Variants in EAF2 observed in about 807,000 individuals in gnomAD.
EAF2 encodes the protein ELL associated factor 2.
In EAF2, 29 loss-of-function variants were observed where a neutral mutation model predicts 29.4. The ratio of observed to expected loss-of-function variants is 0.99; its 90% CI spans 0.73 to 1.35. The LOEUF is 1.35. Among genes scored for constraint, EAF2 ranks in the 40% most tolerant of loss-of-function variants. The pLI is 0.00. For missense variants in EAF2, 292 were observed against 312.0 expected, an observed-to-expected ratio of 0.94 and a Z score of 0.48; for synonymous variants, 103 against 102.5, an observed-to-expected ratio of 1.00 and a Z score of -0.03.
At position 121,835,748 on chromosome 3, in the gene EAF2, G is replaced by C. The variant is rs115709037; in HGVS notation, c.106+357G>C. ...GACAAATGGGAAGGGACTAAGGACC[G>C]AATGCCGGGGAACTTGAATGCCTTG... On this transcript the variant is annotated intron_variant, in intron 1 of 5. Coordinates refer to ENST00000273668, the MANE Select transcript of EAF2 (RefSeq NM_018456.6). Among the ~76,000 whole-genome samples the C allele has an allele frequency of 1.9e-3, 286 of 152,258 alleles. 1 individual carries two copies. Among genetic ancestry groups the C allele is most frequent in the African/African-American group, 6.1e-3 (253 of 41,538 alleles).
chr3:121,873,910 T>G (rs911152068), intron 5 of EAF2, among the ~76,000 whole-genome samples: 7 of 151,886 alleles, frequency 4.6e-5, no homozygotes, highest in African/African-American at 1.7e-4. Flanking sequence ...TTACAGACCT[T>G]TAGAATATCA....
chr3:121,883,217 A>C (rs1238818331), intron 5 of EAF2, among the ~76,000 whole-genome samples: 2 of 152,166 alleles, frequency 1.3e-5, no homozygotes, highest in Admixed American at 1.3e-4. Flanking sequence ...CTTTTTATTT[A>C]ACCTGTAGAA....
Position 121,856,997 on chromosome 3 carries a change from A to C in EAF2, c.339-14A>C. ...TGTCATACCTGTTTCAATATTTGAT[A>C]TTCTTAATTGCAGAGTTGAAGGAAG... On this transcript the variant is annotated splice_polypyrimidine_tract_variant and intron_variant, in intron 3 of 5. Coordinates refer to ENST00000273668, the MANE Select transcript of EAF2 (RefSeq NM_018456.6). The C allele has an allele frequency of 6.2e-7, 1 of 1,602,310 alleles. No individual in the cohort carries two copies. The highest frequency in any genetic ancestry group is 1.7e-4 in the Middle Eastern group (1 of 5,998).
chr3:121,842,404 G>A (rs1417834718), intron 1 of EAF2, among the ~76,000 whole-genome samples: 1 of 152,004 alleles, frequency 6.6e-6, no homozygotes, highest in African/African-American at 2.4e-5. Context: ...TCTCTTTGTT[G>A]ACATTGATAT....
chr3:121,849,539 G>C (rs1708589740), intron 2 of EAF2, among the ~76,000 whole-genome samples: 1 of 152,138 alleles, frequency 6.6e-6, no homozygotes, highest in Non-Finnish European at 1.5e-5. Context: ...GGGTGCTTCT[G>C]TGGGCTTTTA....
intron 4 of EAF2, among the ~76,000 whole-genome samples, chr3:121,857,638 A>T (rs1708744409): frequency 6.6e-6 from 1 of 152,076 alleles, no homozygotes; most frequent in African/African-American, 2.4e-5. Context: ...TTTTAGTTTT[A>T]TGTAAGCAAT....
intron 2 of EAF2, among the ~76,000 whole-genome samples, chr3:121,845,413 G>C (rs1708509565): frequency 8.1e-6 from 1 of 123,184 alleles, no homozygotes; most frequent in Admixed American, 1.1e-4. Flanking sequence ...ACTCCAGCCT[G>C]GGCGATAGAG....
At chr3:121,868,147 G>T (rs745986573) in intron 4 of EAF2, among the ~76,000 whole-genome samples, 5 of 152,014 alleles carry the variant, frequency 3.3e-5, no homozygotes, top group Non-Finnish European at 5.9e-5. Context: ...GCAGATATTG[G>T]CAGGCTGTAT....
intron 5 of EAF2, among the ~76,000 whole-genome samples, chr3:121,882,050 T>G (rs1014758636): frequency 6.6e-6 from 1 of 152,102 alleles, no homozygotes; most frequent in Non-Finnish European, 1.5e-5. Context: ...TTTATTAATT[T>G]GAAAACATGT....
At chr3:121,884,997 G>T (rs1709259814) in intron 5 of EAF2, among the ~76,000 whole-genome samples, 1 of 152,274 alleles carries the variant, frequency 6.6e-6, no homozygotes, top group African/African-American at 2.4e-5. Context: ...TCTAGGTCCA[G>T]CCTCTACCTT....
chr3:121,879,598 C>G (rs951869162), intron 5 of EAF2, among the ~76,000 whole-genome samples: 1 of 133,064 alleles, frequency 7.5e-6, no homozygotes, highest in Non-Finnish European at 1.6e-5. Flanking sequence ...TTCCTTTTTT[C>G]TTTTCTTTTC....
rs534933801 is a variant in EAF2, at chr3:121,851,747, A to G, written c.202-2940A>G. On this transcript the variant is annotated intron_variant, in intron 2 of 5. Coordinates refer to ENST00000273668, the MANE Select transcript of EAF2 (RefSeq NM_018456.6). ...TTGCCTGCTCACAGAATGGGGAACA[A>G]AATTGGAAAGAGAGTAGGGAGGAGA... Among the ~76,000 whole-genome samples the G allele has an allele frequency of 3.9e-5, 6 of 152,334 alleles. No individual in the cohort carries two copies. In the East Asian group the frequency reaches 1.2e-3, roughly 29 times the overall value.
intron 1 of EAF2, chr3:121,837,284 T>C (rs1263909599): frequency 6.6e-6 from 1 of 152,204 alleles, no homozygotes; most frequent in Non-Finnish European, 1.5e-5. Context: ...TAATCCTCAC[T>C]CTTAAGAACT....
chr3:121,875,326 T>C (rs888402136), intron 5 of EAF2, among the ~76,000 whole-genome samples: 1 of 151,886 alleles, frequency 6.6e-6, no homozygotes, highest in African/African-American at 2.4e-5. Flanking sequence ...TTTTAGAAGG[T>C]GTGGGCATAG....
intron 4 of EAF2, among the ~76,000 whole-genome samples, chr3:121,860,197 G>A (rs953693810): frequency 3.9e-5 from 6 of 152,182 alleles, no homozygotes; most frequent in Admixed American, 6.5e-5. Flanking sequence ...AATGAGTTAG[G>A]CAGGATTCCC....
At position 121,872,597 on chromosome 3, in the gene EAF2, C is replaced by G. The variant is rs766289522; in HGVS notation, c.545C>G (p.Ser182Cys). 8.7e-6 allele frequency: 14 copies of G among 1,612,624 alleles called. No homozygotes were observed. In the South Asian group the frequency reaches 1.4e-4, roughly 16 times the overall value. The change falls in exon 5 of 6, where the codon TCC (serine) becomes TGC (cysteine). Residue 182 changes from serine (S) to cysteine (C), a missense_variant. Coordinates refer to ENST00000273668, the MANE Select transcript of EAF2 (RefSeq NM_018456.6). ...AGTAGTTGTGATAGTTCATCAGATT[C>G]CAAAAGTTCATCATCTTCAAGTAGT... ...QMSSCDSSSDSKSSSSSSSED... is the reference protein window; with the variant it reads ...QMSSCDSSSDCKSSSSSSSED...
intron 4 of EAF2, 91 bp from the exon 5 acceptor site, chr3:121,872,446 C>T: frequency 9.8e-7 from 1 of 1,024,206 alleles, no homozygotes; most frequent in Non-Finnish European, 1.4e-6. Context: ...TTAGTTTCAA[C>T]AGTTTCTTAA....
At chr3:121,861,056 C>A (rs1049594443) in intron 4 of EAF2, among the ~76,000 whole-genome samples, 1 of 152,104 alleles carries the variant, frequency 6.6e-6, no homozygotes, top group Non-Finnish European at 1.5e-5. Flanking sequence ...GATTTCTATT[C>A]TTTTATATTT....
rs753584167 is a variant in EAF2, at chr3:121,854,821, A to G, written c.336A>G (p.Thr112=). 1.9e-6 allele frequency: 3 copies of G among 1,563,372 alleles called. No individual in the cohort carries two copies. The highest frequency in any genetic ancestry group is 4.7e-5 in the East Asian group (2 of 42,692). ...GCAGCAACATCACTGTAAAAAAAAC[A>G]AGGTATGTGGTTTAATGAAATAAAT... ...KLSSNITVKK[T]RVEGSSKIQY... is the part of the protein sequence containing the mutation. Residue 112 remains threonine (T), a splice_region_variant and synonymous_variant, in exon 3 of 6, where the codon ACA becomes ACG. Coordinates refer to ENST00000273668, the MANE Select transcript of EAF2 (RefSeq NM_018456.6).
Sources: gnomAD v4.1 joint callset for allele counts (sites outside exome capture counted in the v4.1 genomes callset) on GRCh38, gnomAD v4.1.1 for gene constraint, MANE v1.5 for transcripts, NCBI Gene and HGNC (gene_info 2026-07-23, HGNC 2026-07-21) for gene names.